ACSL1: variants seen among roughly 807,000 people sequenced by gnomAD.
ACSL1 encodes acyl-CoA synthetase long chain family member 1, also known as long-chain-fatty-acid--CoA ligase 1.
A neutral mutation model predicts 98.4 loss-of-function variants in ACSL1; 41 were observed. The observed-to-expected ratio is 0.42, with a 90% CI of 0.32 to 0.54. ACSL1 has a LOEUF of 0.54. ACSL1 is among the 20% of genes least tolerant of loss of function. The pLI, the probability that ACSL1 is intolerant of heterozygous loss-of-function variation, is 0.13. For synonymous variants in ACSL1, 316 were observed against 322.7 expected (o/e 0.98, Z 0.22); for missense variants, 734 against 883.1 (o/e 0.83, Z 2.14).
At chr4:184,786,694 T>TTC (rs1491066891) in intron 3 of ACSL1, among the ~76,000 whole-genome samples, 5 of 37,262 alleles carry the variant, frequency 1.3e-4, no homozygotes, top group South Asian at 1.2e-3. Flanking sequence ...GGCACTTTCT[T>TTC]TTTTTTTTTT....
At chr4:184,811,057 A>G (rs1772013352) in intron 1 of ACSL1, among the ~76,000 whole-genome samples, 1 of 152,138 alleles carries the variant, frequency 6.6e-6, no homozygotes, top group Admixed American at 6.5e-5. Flanking sequence ...TCAAGTCTAA[A>G]CAGAGGGCAT....
chr4:184,825,100 A>G lies in ACSL1; in HGVS notation c.-33+816T>C. ...GAACGCTTTTAGAATGGTCACTCTT[A>G]ATTATGCTCCATAACCTTGAAATTG... On this transcript the variant is annotated intron_variant, in intron 1 of 20. Transcript: ENST00000281455. The surrounding 1 kb of genome is among the most constrained non-coding windows in gnomAD (Gnocchi z 4.7). 3 of 878,410 alleles carry G rather than the reference A, an allele frequency of 3.4e-6. No individual in the cohort carries two copies. The highest frequency in any genetic ancestry group is 4.1e-6 in the Non-Finnish European group (3 of 732,158). The allele number at this position is 878,410 out of a possible 1,614,324, so 54.4% of individuals were successfully genotyped here. A position where few individuals can be genotyped will look rare whatever the true frequency, so the allele number is the denominator to read the frequency against.
chr4:184,778,091 A>G (rs1765595610), intron 5 of ACSL1, among the ~76,000 whole-genome samples: 1 of 152,260 alleles, frequency 6.6e-6, no homozygotes, highest in African/African-American at 2.4e-5. Context: ...CCACACTGCC[A>G]CATGCAAGAT....
intron 1 of ACSL1, among the ~76,000 whole-genome samples, chr4:184,819,427 G>T (rs1161840289): frequency 6.6e-6 from 1 of 152,054 alleles, no homozygotes; most frequent in Non-Finnish European, 1.5e-5. Context: ...ACAGGCGTGA[G>T]CTACCACACC....
chr4:184,819,155 T>C (rs1035010059), intron 1 of ACSL1, among the ~76,000 whole-genome samples: 5 of 149,822 alleles, frequency 3.3e-5, no homozygotes, highest in African/African-American at 1.2e-4. Context: ...TTTTTTTTTT[T>C]TTTTGGAGAC....
intron 1 of ACSL1, among the ~76,000 whole-genome samples, chr4:184,819,049 C>A (rs999378526): frequency 3.6e-4 from 54 of 151,982 alleles, no homozygotes; most frequent in African/African-American, 1.1e-3. Context: ...GAGAGTCACT[C>A]CAGGAAAAGT....
In ACSL1 at chr4:184,812,848, T is replaced by C. The variant is rs551685349; in HGVS notation, c.-32-9302A>G. ...AGGGCTGGACTCCAACTTCTGTGAGTTTTCTATGACAGAAAAGAGAATCTT... is the reference window on the plus strand; with the variant it reads ...AGGGCTGGACTCCAACTTCTGTGAGCTTTCTATGACAGAAAAGAGAATCTT... On this transcript the variant is annotated intron_variant, in intron 1 of 20. Transcript: ENST00000281455. Among the ~76,000 whole-genome samples, 4 of 151,454 alleles carry C rather than the reference T, an allele frequency of 2.6e-5. No homozygotes were observed. In the South Asian group the frequency reaches 8.4e-4, roughly 32 times the overall value.
Position 184,765,918 on chromosome 4 carries a change from C to G in ACSL1, c.1332G>C (p.Thr444=). The change falls in exon 14 of 21, where the codon ACG becomes ACC. Residue 444 remains threonine (T), a synonymous_variant. Coordinates refer to ENST00000281455, the MANE Select transcript of ACSL1 (RefSeq NM_001995.5). ...GAAPVSATVL[T]FLRAALGCQF... is the part of the protein sequence containing the mutation. ...GACAGCCCAGGGCTGCTCTGAGGAACGTCAGCACAGTGGCAGACACCGGGG... is the reference window on the plus strand; with the variant it reads ...GACAGCCCAGGGCTGCTCTGAGGAAGGTCAGCACAGTGGCAGACACCGGGG... The G allele has an allele frequency of 1.2e-6, 2 of 1,614,058 alleles. No homozygotes were observed. Among genetic ancestry groups the G allele is most frequent in the Middle Eastern group, 1.7e-4 (1 of 6,060 alleles).
chr4:184,800,100 T>C (rs1770218416), intron 2 of ACSL1, among the ~76,000 whole-genome samples: 1 of 152,170 alleles, frequency 6.6e-6, no homozygotes, highest in Non-Finnish European at 1.5e-5. Flanking sequence ...AATATGAAGA[T>C]TAAAAGACAA....
At chr4:184,810,716 T>A (rs1771971879) in intron 1 of ACSL1, among the ~76,000 whole-genome samples, 1 of 151,678 alleles carries the variant, frequency 6.6e-6, no homozygotes, top group Non-Finnish European at 1.5e-5. Context: ...ACGATAGGGC[T>A]CAAGCGGATA....
chr4:184,812,158 A>T, intron 1 of ACSL1: 1 of 983,678 alleles, frequency 1.0e-6, no homozygotes, highest in Non-Finnish European at 1.2e-6. Flanking sequence ...TCTTACACTT[A>T]CAGCGAATGG....
chr4:184,819,140 CTTT>C (rs10538881), intron 1 of ACSL1, among the ~76,000 whole-genome samples: 11 of 129,776 alleles, frequency 8.5e-5, no homozygotes, highest in Admixed American at 7.8e-5. Flanking sequence ...TTTAGATGTA[CTTT>C]TTTTTTTTTT....
intron 1 of ACSL1, among the ~76,000 whole-genome samples, chr4:184,807,133 A>T (rs1771533701): frequency 6.6e-6 from 1 of 152,260 alleles, no homozygotes; most frequent in Non-Finnish European, 1.5e-5. Context: ...TAAGCATTAG[A>T]CTAAGGGGTC....
chr4:184,797,458 A>G (rs1398837486), intron 2 of ACSL1, among the ~76,000 whole-genome samples: 4 of 152,172 alleles, frequency 2.6e-5, no homozygotes, highest in East Asian at 3.8e-4. Flanking sequence ...TACACCCTCT[A>G]AACATGGATG....
chr4:184,815,584 G>C (rs938261878), intron 1 of ACSL1, among the ~76,000 whole-genome samples: 2 of 152,210 alleles, frequency 1.3e-5, no homozygotes, highest in Middle Eastern at 3.4e-3. Flanking sequence ...TCACATATCA[G>C]TGACCTGGAT....
In ACSL1 at chr4:184,757,036, T is replaced by A; in HGVS notation, c.*89A>T. ...ACACGAACGCTTCCTTCCCTACACTTGCTGTATTCAAAATTAACAACATGA... is the reference window on the plus strand; with the variant it reads ...ACACGAACGCTTCCTTCCCTACACTAGCTGTATTCAAAATTAACAACATGA... On this transcript the variant is annotated 3_prime_UTR_variant, in exon 21 of 21. Transcript: ENST00000281455. This position sits in a 1 kb window ranked among gnomAD's most constrained non-coding sequence, Gnocchi z 4.5. 1 of 1,433,004 alleles carries A rather than the reference T, an allele frequency of 7.0e-7. No individual in the cohort carries two copies. The highest frequency in any genetic ancestry group is 9.4e-7 in the Non-Finnish European group (1 of 1,067,506). 88.8% of individuals were successfully genotyped at this position (1,433,004 alleles called of 1,614,324 possible).
At chr4:184,783,130 C>T (rs953128016) in intron 4 of ACSL1, among the ~76,000 whole-genome samples, 1 of 152,090 alleles carries the variant, frequency 6.6e-6, no homozygotes, top group Admixed American at 6.6e-5. Flanking sequence ...TCCGGGGTGC[C>T]GTGTGGACTG....
chr4:184,775,737 A>T (rs1765194925), intron 7 of ACSL1, among the ~76,000 whole-genome samples: 1 of 152,348 alleles, frequency 6.6e-6, no homozygotes, highest in South Asian at 2.1e-4. Context: ...ATAAAAATTT[A>T]AAATCCTATC....
At chr4:184,767,726 C>T (rs1156280708) in intron 12 of ACSL1, among the ~76,000 whole-genome samples, 4 of 152,140 alleles carry the variant, frequency 2.6e-5, no homozygotes, top group African/African-American at 7.2e-5. Flanking sequence ...AAAGTCCTGC[C>T]TCAAAATAAA....
Sources: gnomAD v4.1 joint callset for allele counts (sites outside exome capture counted in the v4.1 genomes callset) on GRCh38, gnomAD v4.1.1 for gene constraint, Gnocchi (gnomAD v3.1) non-coding constraint, MANE v1.5 for transcripts, NCBI Gene and HGNC (gene_info 2026-07-23, HGNC 2026-07-21) for gene names.